FURIN: variants seen among roughly 807,000 people sequenced by gnomAD.
The protein encoded by FURIN is FES upstream region.
In FURIN, 18 loss-of-function variants were observed where a neutral mutation model predicts 89.2. The observed-to-expected ratio is 0.20, with a 90% confidence interval of 0.14 to 0.30. The LOEUF is 0.30. Among genes scored for constraint, FURIN ranks in the 10% least tolerant of loss-of-function variants. The pLI is 1.00. For synonymous variants in FURIN, 508 were observed against 466.4 expected (o/e 1.09, Z -1.15); for missense variants, 879 against 1,100.5 (o/e 0.80, Z 2.85).
chr15:90,874,847 G>A (rs1042436876), intron 1 of FURIN, among the ~76,000 whole-genome samples: 3 of 151,972 alleles, frequency 2.0e-5, no homozygotes, highest in African/African-American at 4.8e-5. Flanking sequence ...TCCAGATTTC[G>A]CTTTAGTTTG....
intron 1 of FURIN, among the ~76,000 whole-genome samples, chr15:90,875,029 C>CTTT (rs11343964): frequency 2.6e-4 from 26 of 101,252 alleles, no homozygotes; most frequent in African/African-American, 7.3e-4. Context: ...TTCTGTTACA[C>CTTT]TTTTTTTTTT....
chr15:90,879,649 C>CCT (rs753022856), intron 10 of FURIN, 22 bp from the exon 11 acceptor site: 1 of 1,600,030 alleles, frequency 6.2e-7, no homozygotes, highest in South Asian at 1.1e-5. Context: ...TGATCCCCAG[C>CCT]CTCTCCCTTC....
chr15:90,876,803 G>T lies in FURIN; in HGVS notation c.373-93G>T. On this transcript the variant is annotated intron_variant, in intron 4 of 15. Transcript: ENST00000268171. The surrounding 1 kb of genome is among the most constrained non-coding windows in gnomAD (Gnocchi z 5.0). The stretch of plus-strand genomic sequence containing the variant: ...TTCAGGAGCAGGGATGGTACAGGAG[G>T]AGGTTTTACGGGGGCAAAGGGATTC... 1 of 1,366,530 alleles carries T rather than the reference G, an allele frequency of 7.3e-7. No homozygotes were observed. Among genetic ancestry groups the T allele is most frequent in the Non-Finnish European group, 1.0e-6 (1 of 969,390 alleles). 84.7% of individuals were successfully genotyped at this position (1,366,530 alleles called of 1,614,324 possible).
At chr15:90,879,589 C>G in intron 10 of FURIN, 45 bp downstream of exon 10, 1 of 1,547,040 alleles carries the variant, frequency 6.5e-7, no homozygotes, top group Non-Finnish European at 8.9e-7. Flanking sequence ...TACCAGCACT[C>G]TCTGTAGGGC....
In FURIN at chr15:90,876,948, A is replaced by T; in HGVS notation, c.425A>T (p.Tyr142Phe). ...LNVKAAWAQG[Y>F]TGHGIVVSIL... is the part of the protein sequence containing the mutation. The stretch of plus-strand genomic sequence containing the variant: ...GTGAAGGCGGCCTGGGCGCAGGGCT[A>T]CACAGGGCACGGCATTGTGGTCTCC... The change falls in exon 5 of 16, where the codon TAC becomes TTC. Residue 142 changes from tyrosine (Y) to phenylalanine (F), a missense_variant. Tyr to Phe is a conservative substitution (Grantham distance 22). Coordinates refer to ENST00000268171, the MANE Select transcript of FURIN (RefSeq NM_002569.4). The surrounding 1 kb of genome is among the most constrained non-coding windows in gnomAD (Gnocchi z 5.0). 1 of 1,614,070 alleles carries T rather than the reference A, an allele frequency of 6.2e-7. No homozygotes were observed.
In FURIN at chr15:90,876,968, G is replaced by A. The variant is rs943670512; in HGVS notation, c.445G>A (p.Val149Ile). 6.2e-7 allele frequency: 1 copy of A among 1,614,154 alleles called. No individual in the cohort carries two copies. Among genetic ancestry groups the A allele is most frequent in the South Asian group, 1.1e-5 (1 of 91,082 alleles). The change falls in exon 5 of 16, where the codon GTC becomes ATC. Residue 149 changes from valine (V) to isoleucine (I), a missense_variant. By Grantham distance (29) the Val-to-Ile change is conservative. Around this residue, in one of 5 missense-constraint regions of FURIN, gnomAD observed 139 missense variants for 215.0 expected, o/e 0.65. Transcript: ENST00000268171. This position sits in a 1 kb window ranked among gnomAD's most constrained non-coding sequence, Gnocchi z 5.0. ...GGGCTACACAGGGCACGGCATTGTG[G>A]TCTCCATTCTGGACGATGGCATCGA... ...AQGYTGHGIV[V>I]SILDDGIEKN...
intron 8 of FURIN, among the ~76,000 whole-genome samples, chr15:90,878,530 G>C (rs2031763193): frequency 6.6e-6 from 1 of 152,150 alleles, no homozygotes; most frequent in South Asian, 2.1e-4. Flanking sequence ...TGTTACCCAG[G>C]CTGGTCTCAA....
In FURIN at chr15:90,876,451, C is replaced by T. The variant is rs2031633143; in HGVS notation, c.277-11C>T. 1.2e-6 allele frequency: 2 copies of T among 1,604,590 alleles called. No homozygotes were observed. The highest frequency in any genetic ancestry group is 1.7e-5 in the Admixed American group (1 of 60,010). On this transcript the variant is annotated splice_polypyrimidine_tract_variant and intron_variant, in intron 3 of 15. Transcript: ENST00000268171. This position sits in a 1 kb window ranked among gnomAD's most constrained non-coding sequence, Gnocchi z 5.0. Reference sequence around the variant, plus strand: ...CTCCACCCACACCATCTCTCCCTCACTCCCCCACAGGTACAGTGGCTGGAA... The same window carrying T: ...CTCCACCCACACCATCTCTCCCTCATTCCCCCACAGGTACAGTGGCTGGAA...
At chr15:90,868,931 G>A (rs998899117) in intron 1 of FURIN, among the ~76,000 whole-genome samples, 1 of 152,168 alleles carries the variant, frequency 6.6e-6, no homozygotes, top group African/African-American at 2.4e-5. Context: ...CTAGGTGTGG[G>A]TGCTGCTGCC....
In FURIN at chr15:90,881,795, CAGG is replaced by C. The variant is rs2031994626; in HGVS notation, c.2308_2310del (p.Glu770del). 3 of 1,613,418 alleles carry C rather than the reference CAGG, an allele frequency of 1.9e-6. No individual in the cohort carries two copies. Among genetic ancestry groups the C allele is most frequent in the Admixed American group, 1.7e-5 (1 of 59,944 alleles). On this transcript the variant is annotated inframe_deletion, in exon 16 of 16. Transcript: ENST00000268171. The surrounding 1 kb of genome is among the most constrained non-coding windows in gnomAD (Gnocchi z 4.3). ...CAAGGGGCTGCCCCCTGAAGCCTGGCAGGAGGAGTGCCCGTCTGACTCAGAAGA... is the reference window on the plus strand; with the variant it reads ...CAAGGGGCTGCCCCCTGAAGCCTGGCAGGAGTGCCCGTCTGACTCAGAAGA...
At chr15:90,879,399 C>T (rs1024660428) in intron 9 of FURIN, 45 bp from the exon 10 acceptor site, 2 of 1,386,128 alleles carry the variant, frequency 1.4e-6, no homozygotes, top group African/African-American at 1.4e-5. Context: ...CTCCTCTAGC[C>T]CCCTCCACCC....
intron 1 of FURIN, among the ~76,000 whole-genome samples, chr15:90,870,738 C>T (rs1304242949): frequency 6.6e-6 from 1 of 152,172 alleles, no homozygotes; most frequent in Non-Finnish European, 1.5e-5. Context: ...AGCTTGGATT[C>T]AGGCTCTGCC....
chr15:90,876,196 C>A lies in FURIN; in HGVS notation c.178-59C>A. 1 of 1,157,048 alleles carries A rather than the reference C, an allele frequency of 8.6e-7. No individual in the cohort carries two copies. The highest frequency in any genetic ancestry group is 1.3e-6 in the Non-Finnish European group (1 of 796,528). The allele number at this position is 1,157,048 out of a possible 1,614,324, so 71.7% of individuals were successfully genotyped here. A position where few individuals can be genotyped will look rare whatever the true frequency, so the allele number is the denominator to read the frequency against. Reference sequence around the variant, plus strand: ...ATGAAGCCGTTGTCCACCCCCGTCCCCCGCCTCCCGGGGACTGACAGATGG... The same window carrying A: ...ATGAAGCCGTTGTCCACCCCCGTCCACCGCCTCCCGGGGACTGACAGATGG... On this transcript the variant is annotated intron_variant, in intron 2 of 15. Coordinates refer to ENST00000268171, the MANE Select transcript of FURIN (RefSeq NM_002569.4). This position sits in a 1 kb window ranked among gnomAD's most constrained non-coding sequence, Gnocchi z 5.0.
At position 90,881,021 on chromosome 15, in the gene FURIN, G is replaced by A. The variant is rs778665737; in HGVS notation, c.1773G>A (p.Thr591=). The change falls in exon 15 of 16, where the codon ACG becomes ACA. Residue 591 remains threonine (T), a synonymous_variant. Transcript: ENST00000268171. The surrounding 1 kb of genome is among the most constrained non-coding windows in gnomAD (Gnocchi z 4.3). ...AAAGCAGTGGCTGCAAGACCCTCAC[G>A]TCCAGTCAGGCCTGTGTGGGTCAGT... ...PPESSGCKTL[T]SSQACVVCEE... 8 of 1,613,102 alleles carry A rather than the reference G, an allele frequency of 5.0e-6. No individual in the cohort carries two copies. Among genetic ancestry groups the A allele is most frequent in the East Asian group, 2.2e-5 (1 of 44,876 alleles).
Position 90,882,135 on chromosome 15 carries a change from G to GC in FURIN, c.*261dup. On this transcript the variant is annotated 3_prime_UTR_variant, in exon 16 of 16. Coordinates refer to ENST00000268171, the MANE Select transcript of FURIN (RefSeq NM_002569.4). Reference sequence around the variant, plus strand: ...AGGAGTGAAACCTTTAGGGCAGCTTGCCCCGGCCCCGGCCCCAGCCAGAGT... The same window carrying GC: ...AGGAGTGAAACCTTTAGGGCAGCTTGCCCCCGGCCCCGGCCCCAGCCAGAGT... 1 of 452,994 alleles carries GC rather than the reference G, an allele frequency of 2.2e-6. No individual in the cohort carries two copies. Among genetic ancestry groups the GC allele is most frequent in the Non-Finnish European group, 3.9e-6 (1 of 253,358 alleles). The allele number at this position is 452,994 out of a possible 1,614,324, so 28.1% of individuals were successfully genotyped here.
At chr15:90,874,485 A>G (rs1021889572) in intron 1 of FURIN, among the ~76,000 whole-genome samples, 3 of 152,242 alleles carry the variant, frequency 2.0e-5, no homozygotes, top group African/African-American at 7.2e-5. Flanking sequence ...GATAGCGGCC[A>G]TCTCAGCCAT....
At position 90,880,917 on chromosome 15, in the gene FURIN, C is replaced by T. The variant is rs551400788; in HGVS notation, c.1682-13C>T. Reference sequence around the variant, plus strand: ...ACTGTCTTAACTCTTGCCTCCTCCCCGCTCTGGAACAGGGACGCTGACCAA... The same window carrying T: ...ACTGTCTTAACTCTTGCCTCCTCCCTGCTCTGGAACAGGGACGCTGACCAA... On this transcript the variant is annotated splice_polypyrimidine_tract_variant and intron_variant, in intron 14 of 15. Coordinates refer to ENST00000268171, the MANE Select transcript of FURIN (RefSeq NM_002569.4). 47 of 1,611,884 alleles carry T rather than the reference C, an allele frequency of 2.9e-5. No individual in the cohort carries two copies. Among genetic ancestry groups the T allele is most frequent in the Admixed American group, 8.3e-5 (5 of 60,000 alleles).
intron 6 of FURIN, 73 bp downstream of exon 6, chr15:90,877,284 T>C: frequency 7.8e-7 from 1 of 1,274,134 alleles, no homozygotes; most frequent in South Asian, 1.4e-5. Context: ...TGAGCCTGGG[T>C]GAGATGTGCC....
chr15:90,877,837 T>C (rs1182192758), intron 7 of FURIN, among the ~76,000 whole-genome samples: 2 of 152,226 alleles, frequency 1.3e-5, no homozygotes, highest in East Asian at 3.8e-4. Flanking sequence ...CACGACCCAC[T>C]GTGAGTCCTC....
Sources: allele counts gnomAD v4.1 joint callset (sites outside exome capture counted in the v4.1 genomes callset), GRCh38; gene constraint gnomAD v4.1.1; regional missense constraint gnomAD v4.1.1; non-coding constraint Gnocchi (gnomAD v3.1); transcripts MANE v1.5; gene names NCBI Gene and HGNC (gene_info 2026-07-23, HGNC 2026-07-21).